ROBO2: variants seen among roughly 807,000 people sequenced by gnomAD.
ROBO2 encodes the protein roundabout guidance receptor 2.
In ROBO2, 53 loss-of-function variants were observed where a neutral mutation model predicts 160.8. The observed-to-expected ratio is 0.33, with a 90% confidence interval of 0.26 to 0.41. The LOEUF (loss-of-function observed/expected upper bound fraction) is 0.41, where lower values mean the gene tolerates loss of function less well. Among genes scored for constraint, ROBO2 ranks in the 10% least tolerant of loss-of-function variants. The pLI, the probability that ROBO2 is intolerant of heterozygous loss-of-function variation, is 1.00. For synonymous variants in ROBO2, 664 were observed against 611.7 expected (o/e 1.09, Z -1.26); for missense variants, 1,577 against 1,722.4 (o/e 0.92, Z 1.49).
rs1443466244 is a variant in ROBO2, at chr3:77,116,121, C to T, written c.388+17781C>T. On this transcript the variant is annotated intron_variant, in intron 2 of 25. Transcript: ENST00000461745. ...CTGAAATGCTCTTTGTGCACCTCCA[C>T]GAATCCTGTTGGAGAAATCAGTAAT... Among the ~76,000 whole-genome samples the T allele has an allele frequency of 6.6e-5, 10 of 152,202 alleles. No homozygotes were observed. The East Asian group carries it at 7.7e-4, about 12-fold the overall frequency.
rs139185940 is a variant in ROBO2 at position 76,191,333 on chromosome 3, A to G, written c.109+253731A>G. 3.3e-3 allele frequency among the ~76,000 whole-genome samples: 508 copies of G among 152,186 alleles called. 5 individuals carry two copies. Among genetic ancestry groups the G allele is most frequent in the African/African-American group, 0.012 (484 of 41,554 alleles). On this transcript the variant is annotated intron_variant, in intron 2 of 26. Transcript: ENST00000487694. The stretch of plus-strand genomic sequence containing the variant: ...AATACGCGTCCCAGGTTTATTCTCA[A>G]TGACAGGTTTATTCTCAACGACAGC...
chr3:76,057,672 G>A (rs1202346215), intron 2 of ROBO2, among the ~76,000 whole-genome samples: 1 of 152,074 alleles, frequency 6.6e-6, no homozygotes, highest in South Asian at 2.1e-4. Flanking sequence ...ATACAGAGCT[G>A]TAGATCACTG....
At chr3:77,210,711 T>A (rs529353303) in intron 2 of ROBO2, among the ~76,000 whole-genome samples, 23 of 152,272 alleles carry the variant, frequency 1.5e-4, no homozygotes, top group African/African-American at 5.5e-4. Flanking sequence ...TAACATTAGG[T>A]ATATCTCCTA....
intron 2 of ROBO2, among the ~76,000 whole-genome samples, chr3:75,982,474 G>A (rs916890110): frequency 6.6e-6 from 1 of 151,256 alleles, no homozygotes; most frequent in Non-Finnish European, 1.5e-5. Context: ...TTTTAACTGG[G>A]GTAAGATAAT....
intron 6 of ROBO2, among the ~76,000 whole-genome samples, chr3:77,540,155 G>T (rs2092389585): frequency 6.6e-6 from 1 of 152,150 alleles, no homozygotes; most frequent in South Asian, 2.1e-4. Context: ...CTTGAAGGAA[G>T]TGTGCTTAAG....
intron 2 of ROBO2, among the ~76,000 whole-genome samples, chr3:76,881,251 T>A (rs1186684294): frequency 1.3e-5 from 2 of 152,172 alleles, no homozygotes; most frequent in Admixed American, 1.3e-4. Flanking sequence ...AAGACACTAA[T>A]CTCTGACACA....
At chr3:76,176,722 G>C (rs2073247248) in intron 2 of ROBO2, among the ~76,000 whole-genome samples, 1 of 151,574 alleles carries the variant, frequency 6.6e-6, no homozygotes, top group African/African-American at 2.4e-5. Context: ...TTTCTTACTT[G>C]ATTATTTGTT....
chr3:76,652,673 C>T (rs138882772), intron 2 of ROBO2, among the ~76,000 whole-genome samples: 21 of 151,978 alleles, frequency 1.4e-4, no homozygotes, highest in African/African-American at 5.1e-4. Context: ...AACTTTTCTG[C>T]AAACATTGAA....
intron 23 of ROBO2, among the ~76,000 whole-genome samples, chr3:77,627,274 TTTTC>T (rs904385249): frequency 3.6e-4 from 55 of 152,036 alleles, no homozygotes; most frequent in African/African-American, 1.3e-3. Context: ...TACACATTCC[TTTTC>T]TTTCTTTCTT....
At chr3:76,713,528 A>G (rs2093334009) in intron 2 of ROBO2, among the ~76,000 whole-genome samples, 1 of 152,146 alleles carries the variant, frequency 6.6e-6, no homozygotes, top group Admixed American at 6.6e-5. Flanking sequence ...TGAGTGTCAA[A>G]TGTGGTTTGG....
chr3:76,121,630 A>G (rs903477574), intron 2 of ROBO2, among the ~76,000 whole-genome samples: 3 of 152,144 alleles, frequency 2.0e-5, no homozygotes, highest in Non-Finnish European at 4.4e-5. Flanking sequence ...TTCATTGACA[A>G]TTGAGTATGT....
intron 2 of ROBO2, chr3:77,317,012 C>T: frequency 6.6e-7 from 1 of 1,526,118 alleles, no homozygotes; most frequent in Non-Finnish European, 9.1e-7. Context: ...TTCTTGTTCA[C>T]CTTCTGGTAA....
At chr3:77,596,498 T>C (rs2094306056) in intron 18 of ROBO2, 125 bp from the exon 20 acceptor site, 1 of 1,180,964 alleles carries the variant, frequency 8.5e-7, no homozygotes, top group Admixed American at 1.7e-5. Flanking sequence ...TTCCAGGGAG[T>C]CTACTTATAT....
intron 2 of ROBO2, among the ~76,000 whole-genome samples, chr3:76,467,067 G>C (rs2078402421): frequency 6.6e-6 from 1 of 151,794 alleles, no homozygotes; most frequent in African/African-American, 2.4e-5. Flanking sequence ...CAATAAAAAG[G>C]ACCAAAATGA....
intron 2 of ROBO2, among the ~76,000 whole-genome samples, chr3:77,022,057 A>T (rs1488409296): frequency 2.0e-5 from 3 of 152,186 alleles, no homozygotes; most frequent in African/African-American, 7.2e-5. Flanking sequence ...CCTGGGCAAA[A>T]TAATGAAACC....
At chr3:77,495,226 A>G (rs1214604907) in intron 5 of ROBO2, among the ~76,000 whole-genome samples, 3 of 152,228 alleles carry the variant, frequency 2.0e-5, no homozygotes, top group Non-Finnish European at 4.4e-5. Flanking sequence ...AATAACTGGG[A>G]GTATATGCCC....
At chr3:75,996,256 G>A (rs2065722917) in intron 2 of ROBO2, among the ~76,000 whole-genome samples, 1 of 152,178 alleles carries the variant, frequency 6.6e-6, no homozygotes, top group South Asian at 2.1e-4. Flanking sequence ...GAGGGACCTA[G>A]TGGGAGGCAA....
chr3:76,086,024 C>T (rs889228206), intron 2 of ROBO2, among the ~76,000 whole-genome samples: 12 of 152,148 alleles, frequency 7.9e-5, no homozygotes, highest in African/African-American at 2.7e-4. Flanking sequence ...GGGGTATTGT[C>T]AAAGCCTAAC....
intron 2 of ROBO2, among the ~76,000 whole-genome samples, chr3:77,196,793 A>G (rs991320392): frequency 1.3e-5 from 2 of 152,034 alleles, no homozygotes; most frequent in African/African-American, 4.8e-5. Flanking sequence ...TATGTTCTTT[A>G]TTTCCTGCTT....
Sources: allele counts gnomAD v4.1 joint callset (sites outside exome capture counted in the v4.1 genomes callset), GRCh38; gene constraint gnomAD v4.1.1; transcripts MANE v1.5; gene names NCBI Gene and HGNC (gene_info 2026-07-23, HGNC 2026-07-21).